The following SLC39A11 variants were observed in gnomAD, a reference collection of about 807,000 sequenced individuals.
The protein encoded by SLC39A11 is zinc transporter ZIP11.
Under a neutral mutation model 36.1 loss-of-function variants are expected in SLC39A11, and 33 were observed. That is an observed-to-expected ratio of 0.91 (90% CI 0.69 to 1.22). The LOEUF (loss-of-function observed/expected upper bound fraction) is 1.22. SLC39A11 is among the 50% of genes most tolerant of loss of function. The pLI, the probability that SLC39A11 is intolerant of heterozygous loss-of-function variation, is 0.00. For synonymous variants in SLC39A11, 166 were observed against 170.3 expected (o/e 0.97, Z 0.20); for missense variants, 432 against 430.3 (o/e 1.00, Z -0.03).
chr17:72,724,500 C>T (rs1210422743), intron 7 of SLC39A11, among the ~76,000 whole-genome samples: 1 of 151,956 alleles, frequency 6.6e-6, no homozygotes, highest in African/African-American at 2.4e-5. Context: ...GAAAGCAGAC[C>T]TTTTGAGACA....
At chr17:72,843,502 C>CA (rs1263050814) in intron 6 of SLC39A11, among the ~76,000 whole-genome samples, 1 of 152,094 alleles carries the variant, frequency 6.6e-6, no homozygotes, top group African/African-American at 2.4e-5. Flanking sequence ...ATGGGATTAA[C>CA]AACCTCATGA....
At chr17:72,966,710 C>G (rs1190756774) in intron 4 of SLC39A11, among the ~76,000 whole-genome samples, 1 of 152,158 alleles carries the variant, frequency 6.6e-6, no homozygotes. Context: ...GCTGGGACTA[C>G]AGGCGCCCGC....
chr17:73,048,993 G>T (rs2059409497), intron 3 of SLC39A11, among the ~76,000 whole-genome samples: 2 of 152,172 alleles, frequency 1.3e-5, no homozygotes, highest in Non-Finnish European at 1.5e-5. Flanking sequence ...TGACAAAGGG[G>T]TGTCATTCCC....
intron 5 of SLC39A11, among the ~76,000 whole-genome samples, chr17:72,894,923 T>C (rs1229652080): frequency 6.6e-6 from 1 of 152,092 alleles, no homozygotes; most frequent in Non-Finnish European, 1.5e-5. Context: ...TTCTATGTGA[T>C]CCTATAAGCA....
chr17:72,769,220 C>T (rs2075851596), intron 6 of SLC39A11, among the ~76,000 whole-genome samples: 1 of 152,194 alleles, frequency 6.6e-6, no homozygotes, highest in Non-Finnish European at 1.5e-5. Flanking sequence ...CCCCAGAGTC[C>T]ATGACAGTTA....
At chr17:72,672,887 G>A (rs1323179516) in intron 7 of SLC39A11, among the ~76,000 whole-genome samples, 1 of 152,152 alleles carries the variant, frequency 6.6e-6, no homozygotes, top group Non-Finnish European at 1.5e-5. Context: ...GGGATTACAG[G>A]TGTGAGCCAC....
chr17:72,674,563 A>G (rs909736706), intron 7 of SLC39A11, among the ~76,000 whole-genome samples: 1 of 152,148 alleles, frequency 6.6e-6, no homozygotes, highest in South Asian at 2.1e-4. Flanking sequence ...GATTCTTAGG[A>G]GTGGGTTTCC....
intron 6 of SLC39A11, among the ~76,000 whole-genome samples, chr17:72,843,582 C>T (rs182510293): frequency 2.0e-5 from 3 of 152,242 alleles, no homozygotes; most frequent in East Asian, 1.9e-4. Flanking sequence ...ACCTGCAACC[C>T]GGAGAAGGAC....
intron 4 of SLC39A11, among the ~76,000 whole-genome samples, chr17:73,020,808 G>C (rs1413277114): frequency 6.9e-6 from 1 of 145,312 alleles, no homozygotes; most frequent in Non-Finnish European, 1.5e-5. Flanking sequence ...CCAGCCTCCC[G>C]AGTAGCTGGG....
intron 5 of SLC39A11, among the ~76,000 whole-genome samples, chr17:72,922,975 AAAAAAAAAAAAAAAAC>A (rs1312631041): frequency 1.3e-5 from 2 of 148,570 alleles, no homozygotes; most frequent in Non-Finnish European, 1.5e-5. Context: ...AAAAAAAAAA[AAAAAAAAAAAAAAAAC>A]ACACAGAAAA....
At chr17:72,682,053 G>A (rs1029321505) in intron 7 of SLC39A11, among the ~76,000 whole-genome samples, 9 of 152,006 alleles carry the variant, frequency 5.9e-5, no homozygotes, top group African/African-American at 1.5e-4. Context: ...TCAGATCAGC[G>A]GCAGCATTAG....
intron 7 of SLC39A11, among the ~76,000 whole-genome samples, chr17:72,669,618 A>T (rs1044580542): frequency 6.6e-6 from 1 of 152,182 alleles, no homozygotes; most frequent in Non-Finnish European, 1.5e-5. Context: ...TCACTTGCAT[A>T]AAGTAGTTTG....
At chr17:72,956,097 C>T (rs2086235453) in intron 4 of SLC39A11, among the ~76,000 whole-genome samples, 1 of 152,098 alleles carries the variant, frequency 6.6e-6, no homozygotes, top group Non-Finnish European at 1.5e-5. Context: ...AAGATCTTTC[C>T]ACCCTGAAGC....
At chr17:73,058,944 T>A (rs1324957190) in intron 3 of SLC39A11, among the ~76,000 whole-genome samples, 2 of 151,880 alleles carry the variant, frequency 1.3e-5, no homozygotes, top group African/African-American at 4.9e-5. Flanking sequence ...AGTGAGCAAT[T>A]AAATAATAAC....
At chr17:72,980,675 A>G (rs1172538964) in intron 4 of SLC39A11, among the ~76,000 whole-genome samples, 1 of 152,240 alleles carries the variant, frequency 6.6e-6, no homozygotes, top group East Asian at 1.9e-4. Context: ...CAACTGAAAC[A>G]GAATAGTACC....
chr17:72,754,252 GC>G (rs2075284998), intron 6 of SLC39A11, among the ~76,000 whole-genome samples: 1 of 151,978 alleles, frequency 6.6e-6, no homozygotes. Flanking sequence ...CTATGAGGAT[GC>G]AAAGGCATAC....
intron 4 of SLC39A11, among the ~76,000 whole-genome samples, chr17:73,025,946 C>T (rs1036534478): frequency 5.3e-5 from 8 of 151,362 alleles, no homozygotes; most frequent in Admixed American, 1.3e-4. Context: ...GCTGAAACTC[C>T]GTCTCCACTA....
At chr17:72,868,618 C>CAAAAAAAAAA (rs71354894) in intron 5 of SLC39A11, among the ~76,000 whole-genome samples, 35 of 56,480 alleles carry the variant, frequency 6.2e-4, no homozygotes, top group East Asian at 1.2e-3. Context: ...CCTGTCTCTA[C>CAAAAAAAAAA]AAAAAAAAAA....
Position 72,716,980 on chromosome 17 carries a change from A to AATAT in SLC39A11, c.671+19666_671+19669dup, listed in dbSNP as rs772844911. On this transcript the variant is annotated intron_variant, in intron 7 of 9. Coordinates refer to ENST00000255559, the MANE Select transcript of SLC39A11 (RefSeq NM_139177.4). ...GGAGACCCTGTCTCAAAAAAAAAAAAATATATATATATACACACACACACA... is the reference window on the plus strand; with the variant it reads ...GGAGACCCTGTCTCAAAAAAAAAAAAATATATATATATATATACACACACACACA... 2.3e-3 allele frequency among the ~76,000 whole-genome samples: 306 copies of AATAT among 130,448 alleles called. 3 individuals are homozygous for AATAT. Among genetic ancestry groups the AATAT allele is most frequent in the Middle Eastern group, 0.011 (3 of 262 alleles). The allele number at this position is 130,448 out of a possible 152,430, so 85.6% of individuals were successfully genotyped here.
Sources: gnomAD v4.1 joint callset for allele counts (sites outside exome capture counted in the v4.1 genomes callset) on GRCh38, gnomAD v4.1.1 for gene constraint, MANE v1.5 for transcripts, NCBI Gene and HGNC (gene_info 2026-07-23, HGNC 2026-07-21) for gene names.